DSCAM: variants seen among roughly 807,000 people sequenced by gnomAD.
The protein encoded by DSCAM is cell adhesion molecule DSCAM.
In DSCAM, 47 loss-of-function variants were observed where a neutral mutation model predicts 217.7. The observed-to-expected ratio is 0.22, with a 90% CI of 0.17 to 0.28. The LOEUF (loss-of-function observed/expected upper bound fraction) is 0.28. Ranked by LOEUF, DSCAM falls within the 10% of genes least tolerant of loss-of-function variation. The probability of loss-of-function intolerance (pLI) is 1.00; values close to 1 mark genes in which losing one functional copy is unlikely to be tolerated. For synonymous variants in DSCAM, 1,056 were observed against 1,015.3 expected (o/e 1.04, Z -0.76); for missense variants, 2,080 against 2,618.3 (o/e 0.79, Z 4.49).
At chr21:40,674,620 C>CTTTTTTTTTTTTTTTTTTTTT (rs1198744785) in intron 3 of DSCAM, among the ~76,000 whole-genome samples, 1 of 100,574 alleles carries the variant, frequency 9.9e-6, no homozygotes, top group African/African-American at 3.5e-5. Flanking sequence ...TTTTCTTTTT[C>CTTTTTTTTTTTTTTTTTTTTT]TTTTTCTTTT....
chr21:40,230,592 C>A (rs1000063809), intron 11 of DSCAM, among the ~76,000 whole-genome samples: 1 of 152,100 alleles, frequency 6.6e-6, no homozygotes, highest in South Asian at 2.1e-4. Flanking sequence ...TATTGCTATA[C>A]ATTTTACTCT....
chr21:40,343,126 G>A (rs2074517794), intron 6 of DSCAM, among the ~76,000 whole-genome samples: 1 of 152,004 alleles, frequency 6.6e-6, no homozygotes, highest in African/African-American at 2.4e-5. Flanking sequence ...TGAGTATATA[G>A]AAATAAAATT....
intron 3 of DSCAM, among the ~76,000 whole-genome samples, chr21:40,530,688 T>C (rs1448123812): frequency 1.3e-5 from 2 of 152,186 alleles, no homozygotes; most frequent in Non-Finnish European, 2.9e-5. Context: ...ACCTATGGAA[T>C]ACCAAACCAC....
At chr21:40,287,405 T>A (rs7409786) in intron 10 of DSCAM, among the ~76,000 whole-genome samples, 3 of 152,168 alleles carry the variant, frequency 2.0e-5, no homozygotes, top group Non-Finnish European at 4.4e-5. Flanking sequence ...TTCTGAGACA[T>A]AGGCCATGAG....
At chr21:40,584,022 G>A (rs560349006) in intron 3 of DSCAM, among the ~76,000 whole-genome samples, 32 of 152,146 alleles carry the variant, frequency 2.1e-4, no homozygotes, top group Admixed American at 1.8e-3. Flanking sequence ...AAAATTGCCA[G>A]TGTGCTTGGA....
chr21:40,300,245 G>C (rs2073999866), intron 9 of DSCAM, among the ~76,000 whole-genome samples: 1 of 152,066 alleles, frequency 6.6e-6, no homozygotes, highest in Non-Finnish European at 1.5e-5. Context: ...TCTAATTCAA[G>C]TTTCCAAAAT....
At chr21:40,202,609 T>C (rs1437768082) in intron 11 of DSCAM, among the ~76,000 whole-genome samples, 1 of 152,234 alleles carries the variant, frequency 6.6e-6, no homozygotes, top group African/African-American at 2.4e-5. Flanking sequence ...CTTTAGGGTG[T>C]CCCAGGGATC....
At chr21:40,112,849 T>A (rs2146640413) in intron 20 of DSCAM, among the ~76,000 whole-genome samples, 1 of 152,172 alleles carries the variant, frequency 6.6e-6, no homozygotes, top group South Asian at 2.1e-4. Context: ...AAATACACCC[T>A]CCCAAGACTA....
chr21:40,601,729 G>A (rs572766659), intron 3 of DSCAM, among the ~76,000 whole-genome samples: 19 of 152,090 alleles, frequency 1.2e-4, no homozygotes, highest in East Asian at 5.8e-4. Flanking sequence ...AATAAGTGCC[G>A]GTTTTACCAA....
chr21:40,348,127 T>G lies in DSCAM; in HGVS notation c.935-182A>C, dbSNP rs564158820. Among the ~76,000 whole-genome samples the G allele has an allele frequency of 4.6e-5, 7 of 151,894 alleles. No homozygotes were observed. The South Asian group carries it at 1.5e-3, about 32-fold the overall frequency. On this transcript the variant is annotated intron_variant, in intron 5 of 32. Coordinates refer to ENST00000400454, the MANE Select transcript of DSCAM (RefSeq NM_001389.5). Reference sequence around the variant, plus strand: ...CCCATCAGCCACATTATTGCAATCATACTCCACACAGTTCCCATCAGCCAC... The same window carrying G: ...CCCATCAGCCACATTATTGCAATCAGACTCCACACAGTTCCCATCAGCCAC...
intron 1 of DSCAM, among the ~76,000 whole-genome samples, chr21:40,789,161 C>T (rs1321926768): frequency 6.6e-6 from 1 of 151,520 alleles, no homozygotes; most frequent in Non-Finnish European, 1.5e-5. Flanking sequence ...GCCGATAGAG[C>T]AGAGTTTGAT....
chr21:40,553,735 A>G (rs1224912529), intron 3 of DSCAM, among the ~76,000 whole-genome samples: 1 of 152,180 alleles, frequency 6.6e-6, no homozygotes, highest in African/African-American at 2.4e-5. Context: ...TTCATGCTTC[A>G]ATTCTCAAAT....
chr21:40,704,083 CTA>C (rs543387902), intron 2 of DSCAM, among the ~76,000 whole-genome samples: 56 of 152,248 alleles, frequency 3.7e-4, no homozygotes, highest in African/African-American at 1.3e-3. Flanking sequence ...AAGTTTCACT[CTA>C]TGTTGTAAGT....
chr21:40,756,566 A>T (rs13048994), intron 1 of DSCAM, among the ~76,000 whole-genome samples: 44,330 of 151,044 alleles, frequency 0.29, 7,555 homozygotes, highest in East Asian at 0.38. Flanking sequence ...TAATTTTTGT[A>T]TTTTTAGCAC....
chr21:40,786,352 AATC>A (rs2091594571), intron 1 of DSCAM, among the ~76,000 whole-genome samples: 1 of 152,092 alleles, frequency 6.6e-6, no homozygotes, highest in Non-Finnish European at 1.5e-5. Flanking sequence ...GAAAGAAAGA[AATC>A]ATCCACATAT....
At chr21:40,266,786 A>ATATATATATATG in intron 11 of DSCAM, among the ~76,000 whole-genome samples, 1 of 134,550 alleles carries the variant, frequency 7.4e-6, no homozygotes, top group Non-Finnish European at 1.5e-5. Context: ...GCATATATAT[A>ATATATATATATG]TATATATATA....
chr21:40,229,300 C>T (rs2091359992), intron 11 of DSCAM, among the ~76,000 whole-genome samples: 1 of 152,214 alleles, frequency 6.6e-6, no homozygotes, highest in South Asian at 2.1e-4. Flanking sequence ...TTGATTTGCA[C>T]AGTCTCCATT....
At chr21:40,387,239 T>G (rs1171750150) in intron 3 of DSCAM, among the ~76,000 whole-genome samples, 1 of 152,080 alleles carries the variant, frequency 6.6e-6, no homozygotes, top group African/African-American at 2.4e-5. Context: ...CCTGTGACAT[T>G]TGCACATTTA....
rs117494647 is a variant in DSCAM, at chr21:40,708,386, T to C, written c.361+68A>G. On this transcript the variant is annotated intron_variant, in intron 2 of 32. Transcript: ENST00000400454. ...TCTCTGCTGTGATGGCATTTTGCTA[T>C]GTGTCATTGTCATTATCCTCCCATC... 5,686 of 1,279,856 alleles carry C rather than the reference T, an allele frequency of 4.4e-3. 25 individuals are homozygous for C. The highest frequency in any genetic ancestry group is 5.2e-3 in the Non-Finnish European group (5,057 of 972,868). 79.3% of individuals were successfully genotyped at this position (1,279,856 alleles called of 1,614,324 possible).
Sources: allele counts gnomAD v4.1 joint callset (sites outside exome capture counted in the v4.1 genomes callset), GRCh38; gene constraint gnomAD v4.1.1; transcripts MANE v1.5; gene names NCBI Gene and HGNC (gene_info 2026-07-23, HGNC 2026-07-21).